The following NCMAP variants were observed in gnomAD, a reference collection of about 807,000 sequenced individuals.
NCMAP encodes the protein noncompact myelin-associated protein.
Under a neutral mutation model 7.8 loss-of-function variants are expected in NCMAP, and 8 were observed. That is an observed-to-expected ratio of 1.02 (90% CI 0.60 to 1.84). The LOEUF is 1.84. Ranked by LOEUF, NCMAP falls within the 40% of genes most tolerant of loss-of-function variation. The probability of loss-of-function intolerance (pLI) is 0.00; values close to 1 mark genes in which losing one functional copy is unlikely to be tolerated. For missense variants in NCMAP, 112 were observed against 131.4 expected (o/e 0.85, Z 0.72); for synonymous variants, 41 against 52.9 (o/e 0.78, Z 0.98).
chr1:24,574,925 A>G (rs1269078537), intron 1 of NCMAP, among the ~76,000 whole-genome samples: 1 of 145,802 alleles, frequency 6.9e-6, no homozygotes, highest in Non-Finnish European at 1.5e-5. Context: ...CCTCCCAAGT[A>G]GCTGGGATTA....
Position 24,595,428 on chromosome 1 carries a change from G to C in NCMAP, c.-3G>C. 1 of 1,609,386 alleles carries C rather than the reference G, an allele frequency of 6.2e-7. No individual in the cohort carries two copies. Among genetic ancestry groups the C allele is most frequent in the Non-Finnish European group, 8.5e-7 (1 of 1,175,902 alleles). On this transcript the variant is annotated 5_prime_UTR_variant, in exon 2 of 4. Transcript: ENST00000374392. ...TATCTTCTTCTTTCTCATCAGGATC[G>C]AGATGACCACAGCCACCCCTCTGGG...
intron 1 of NCMAP, among the ~76,000 whole-genome samples, chr1:24,579,382 G>A (rs1651683342): frequency 6.6e-6 from 1 of 151,950 alleles, no homozygotes; most frequent in Non-Finnish European, 1.5e-5. Context: ...TGTCATGCTT[G>A]GGGCTTTTCT....
At chr1:24,577,401 GTT>G (rs71577720) in intron 1 of NCMAP, among the ~76,000 whole-genome samples, 4,124 of 39,630 alleles carry the variant, frequency 0.1, 26 homozygotes, top group Non-Finnish European at 0.14. Context: ...CACTGGCCTT[GTT>G]TTTTTTTTTT....
At chr1:24,562,450 C>G (rs1314374818) in intron 1 of NCMAP, among the ~76,000 whole-genome samples, 1 of 152,016 alleles carries the variant, frequency 6.6e-6, no homozygotes, top group African/African-American at 2.4e-5. Flanking sequence ...TGTTGTCAGA[C>G]TGTAACCTCC....
At chr1:24,564,525 A>AC (rs1031112338) in intron 1 of NCMAP, among the ~76,000 whole-genome samples, 1 of 148,688 alleles carries the variant, frequency 6.7e-6, no homozygotes, top group Non-Finnish European at 1.5e-5. Context: ...AAAAAAAAAA[A>AC]AAAAAAACAA....
At chr1:24,598,747 C>A (rs1213729372) in intron 2 of NCMAP, among the ~76,000 whole-genome samples, 3 of 151,660 alleles carry the variant, frequency 2.0e-5, no homozygotes, top group African/African-American at 7.3e-5. Context: ...AAGCGATTCT[C>A]GTGCCTCAGC....
intron 1 of NCMAP, among the ~76,000 whole-genome samples, chr1:24,567,120 C>T (rs756512564): frequency 1.5e-4 from 23 of 152,210 alleles, no homozygotes; most frequent in African/African-American, 5.3e-4. Flanking sequence ...CCAACCCATC[C>T]TCAGGCACCT....
At chr1:24,584,045 TC>T (rs1479329976) in intron 1 of NCMAP, among the ~76,000 whole-genome samples, 8 of 152,186 alleles carry the variant, frequency 5.3e-5, no homozygotes, top group Admixed American at 2.0e-4. Flanking sequence ...AGTGTGGGCT[TC>T]CTTCCCTCCT....
chr1:24,605,866 C>T lies in NCMAP; in HGVS notation c.*119C>T. 1 of 1,205,074 alleles carries T rather than the reference C, an allele frequency of 8.3e-7. No homozygotes were observed. The highest frequency in any genetic ancestry group is 2.3e-5 in the Admixed American group (1 of 42,888). 74.6% of individuals were successfully genotyped at this position (1,205,074 alleles called of 1,614,324 possible). ...CTTCTGGTCAGGTCGACAGAGACAT[C>T]TTTGACGCAATCTCTGATGCTTCCA... is the stretch of plus-strand genomic sequence containing the variant. On this transcript the variant is annotated 3_prime_UTR_variant, in exon 4 of 4. Coordinates refer to ENST00000374392, the MANE Select transcript of NCMAP (RefSeq NM_001010980.5).
chr1:24,562,243 A>G (rs1427333528), intron 1 of NCMAP, among the ~76,000 whole-genome samples: 1 of 152,224 alleles, frequency 6.6e-6, no homozygotes, highest in East Asian at 1.9e-4. Flanking sequence ...TAACAAGAAT[A>G]ATTAACATTT....
At chr1:24,599,295 A>AAAC (rs1557603299) in intron 2 of NCMAP, among the ~76,000 whole-genome samples, 1 of 151,732 alleles carries the variant, frequency 6.6e-6, no homozygotes, top group Non-Finnish European at 1.5e-5. Flanking sequence ...AAAAAAAAAA[A>AAAC]AAACAAGAAA....
At chr1:24,556,214 C>G (rs1193112901) in intron 1 of NCMAP, 45 bp downstream of exon 1, 1 of 152,538 alleles carries the variant, frequency 6.6e-6, no homozygotes, top group Non-Finnish European at 1.5e-5. Context: ...CTGCGGGGAG[C>G]GAGGAGCGGT....
rs1652531256 is a variant in NCMAP, at chr1:24,602,363, ACG to A, written c.167+1340_167+1341del. On this transcript the variant is annotated intron_variant, in intron 3 of 3. Transcript: ENST00000374392. ...TTTGAGAGGCCGAGGCGGGCGGATC[ACG>A]AGGTCAGGAGATCGAGACCACGGTG... Among the ~76,000 whole-genome samples the A allele has an allele frequency of 3.4e-4, 47 of 137,288 alleles. 3 individuals carry two copies. Among genetic ancestry groups the A allele is most frequent in the African/African-American group, 1.7e-3 (46 of 27,650 alleles). 90.1% of individuals were successfully genotyped at this position (137,288 alleles called of 152,430 possible).
chr1:24,574,326 C>T (rs948564384), intron 1 of NCMAP, among the ~76,000 whole-genome samples: 14 of 151,012 alleles, frequency 9.3e-5, no homozygotes, highest in Admixed American at 3.3e-4. Flanking sequence ...ACCATGTTGG[C>T]CAGGCTGGTC....
chr1:24,602,540 C>A (rs1238438317), intron 3 of NCMAP, among the ~76,000 whole-genome samples: 12 of 122,426 alleles, frequency 9.8e-5, no homozygotes, highest in Admixed American at 5.8e-4. Flanking sequence ...ACAGCACTCC[C>A]GCCTGGGCGA....
intron 1 of NCMAP, among the ~76,000 whole-genome samples, chr1:24,575,480 G>A (rs55678627): frequency 0.12 from 18,149 of 152,104 alleles, 1,349 homozygotes; most frequent in African/African-American, 0.21. Context: ...GGCTCCTGGA[G>A]GGTGAATAAT....
intron 1 of NCMAP, among the ~76,000 whole-genome samples, chr1:24,557,462 T>C (rs980676462): frequency 2.0e-5 from 3 of 151,976 alleles, no homozygotes; most frequent in Non-Finnish European, 2.9e-5. Context: ...TGCGTGTGTG[T>C]GCGTGTGTGT....
chr1:24,569,097 A>G (rs111901508), intron 1 of NCMAP, among the ~76,000 whole-genome samples: 4,756 of 151,032 alleles, frequency 0.031, 285 homozygotes, highest in African/African-American at 0.11. Flanking sequence ...GGGGTCAAGC[A>G]ATTCTCCCAC....
intron 1 of NCMAP, among the ~76,000 whole-genome samples, chr1:24,578,988 T>C (rs549703108): frequency 6.6e-6 from 1 of 152,276 alleles, no homozygotes; most frequent in Non-Finnish European, 1.5e-5. Context: ...TTTCTTTGGC[T>C]GACAGAACCT....
Sources: gnomAD v4.1 joint callset for allele counts (sites outside exome capture counted in the v4.1 genomes callset) on GRCh38, gnomAD v4.1.1 for gene constraint, MANE v1.5 for transcripts, NCBI Gene and HGNC (gene_info 2026-07-23, HGNC 2026-07-21) for gene names.